HTR1F: variants seen among roughly 807,000 people sequenced by gnomAD.
The protein encoded by HTR1F is 5-hydroxytryptamine (serotonin) receptor 1F, G protein-coupled.
A neutral mutation model predicts 24.0 loss-of-function variants in HTR1F; 17 were observed. That is an observed-to-expected ratio of 0.71 (90% CI 0.48 to 1.06). HTR1F has a LOEUF of 1.06. HTR1F is among the 50% of genes least tolerant of loss of function. HTR1F has a pLI of 0.00. For missense variants in HTR1F, 391 were observed against 427.8 expected (o/e 0.91, Z 0.76); for synonymous variants, 186 against 156.8 (o/e 1.19, Z -1.39).
At chr3:87,933,560 A>G (rs1704337355) in intron 2 of HTR1F, among the ~76,000 whole-genome samples, 2 of 149,052 alleles carry the variant, frequency 1.3e-5, no homozygotes, top group African/African-American at 2.4e-5. Flanking sequence ...TACACCAATA[A>G]CAGACAAACA....
chr3:87,880,436 T>A (rs555521827), intron 2 of HTR1F, among the ~76,000 whole-genome samples: 4 of 152,140 alleles, frequency 2.6e-5, no homozygotes, highest in African/African-American at 4.8e-5. Flanking sequence ...CTAAATTGAA[T>A]AAAGGAAAAC....
intron 2 of HTR1F, among the ~76,000 whole-genome samples, chr3:87,839,810 A>G (rs979114600): frequency 4.3e-4 from 66 of 152,112 alleles, no homozygotes; most frequent in African/African-American, 1.4e-3. Context: ...TTTTATGACC[A>G]TGTGTGCCCA....
intron 2 of HTR1F, among the ~76,000 whole-genome samples, chr3:87,926,833 C>A (rs771752193): frequency 1.3e-5 from 2 of 152,102 alleles, no homozygotes; most frequent in Non-Finnish European, 2.9e-5. Context: ...GCAATCAGGA[C>A]GACACGGTGA....
At chr3:87,951,661 A>C (rs1357580866) in intron 2 of HTR1F, among the ~76,000 whole-genome samples, 1 of 152,124 alleles carries the variant, frequency 6.6e-6, no homozygotes, top group Admixed American at 6.6e-5. Context: ...ACACATCATC[A>C]TCAAGAGTCC....
intron 2 of HTR1F, among the ~76,000 whole-genome samples, chr3:87,844,597 C>T (rs1214816500): frequency 1.6e-5 from 2 of 121,726 alleles, no homozygotes; most frequent in Middle Eastern, 3.8e-3. Context: ...ACATGAAGTC[C>T]TTGCCCATGC....
chr3:87,863,841 T>C (rs1251889497), intron 2 of HTR1F, among the ~76,000 whole-genome samples: 2 of 152,212 alleles, frequency 1.3e-5, no homozygotes, highest in Non-Finnish European at 2.9e-5. Context: ...TGCATATTTA[T>C]CTTACAGTTC....
intron 2 of HTR1F, among the ~76,000 whole-genome samples, chr3:87,871,077 G>A (rs1705545030): frequency 6.6e-6 from 1 of 150,718 alleles, no homozygotes; most frequent in Admixed American, 6.6e-5. Flanking sequence ...CACTAAAAAT[G>A]GAGATCAATG....
At chr3:87,817,892 C>T (rs1464611974) in intron 1 of HTR1F, among the ~76,000 whole-genome samples, 1 of 152,124 alleles carries the variant, frequency 6.6e-6, no homozygotes, top group Admixed American at 6.5e-5. Context: ...ACAGCTCTAT[C>T]AAATTCAGGA....
At chr3:87,865,413 C>G (rs1705406073) in intron 2 of HTR1F, among the ~76,000 whole-genome samples, 1 of 152,054 alleles carries the variant, frequency 6.6e-6, no homozygotes, top group African/African-American at 2.4e-5. Flanking sequence ...GCAACCAGAT[C>G]AGGAAATAGA....
At chr3:87,952,712 C>T (rs1317430678) in intron 2 of HTR1F, among the ~76,000 whole-genome samples, 2 of 151,866 alleles carry the variant, frequency 1.3e-5, no homozygotes, top group African/African-American at 2.4e-5. Context: ...AAGCAAGTCA[C>T]CAGGAACTTT....
At chr3:87,797,868 G>A (rs1286319107) in intron 1 of HTR1F, among the ~76,000 whole-genome samples, 1 of 152,132 alleles carries the variant, frequency 6.6e-6, no homozygotes, top group Admixed American at 6.5e-5. Context: ...AGCTGATGGT[G>A]GGACAAAAAG....
chr3:87,799,272 C>A (rs1047229404), intron 1 of HTR1F, among the ~76,000 whole-genome samples: 4 of 152,124 alleles, frequency 2.6e-5, no homozygotes, highest in African/African-American at 9.7e-5. Context: ...CAATAATAGT[C>A]CCCTTTTGGT....
chr3:87,879,857 T>A (rs1705750449), intron 2 of HTR1F, among the ~76,000 whole-genome samples: 1 of 151,958 alleles, frequency 6.6e-6, no homozygotes, highest in Non-Finnish European at 1.5e-5. Flanking sequence ...TAAATTGTAA[T>A]GATGGCATAT....
At chr3:87,906,463 G>A (rs1703669716) in intron 2 of HTR1F, among the ~76,000 whole-genome samples, 1 of 151,834 alleles carries the variant, frequency 6.6e-6, no homozygotes. Context: ...ATCTTTTCTT[G>A]TTGACAGTCT....
chr3:87,936,132 G>A (rs368990628), intron 2 of HTR1F, among the ~76,000 whole-genome samples: 2 of 152,192 alleles, frequency 1.3e-5, no homozygotes, highest in Non-Finnish European at 2.9e-5. Context: ...TTACAGGCGT[G>A]AGCCACTGCA....
At chr3:87,795,343 TGTG>T (rs1703886813) in intron 1 of HTR1F, among the ~76,000 whole-genome samples, 1 of 152,188 alleles carries the variant, frequency 6.6e-6, no homozygotes, top group African/African-American at 2.4e-5. Context: ...ATCTAGCAAA[TGTG>T]GTCTTTTTTG....
intron 2 of HTR1F, among the ~76,000 whole-genome samples, chr3:87,962,379 T>A (rs1021373598): frequency 9.2e-5 from 14 of 152,068 alleles, no homozygotes; most frequent in Admixed American, 9.2e-4. Flanking sequence ...GTGTTATGAA[T>A]CAATAAATAG....
intron 2 of HTR1F, among the ~76,000 whole-genome samples, chr3:87,830,680 T>C (rs1269265845): frequency 6.6e-6 from 1 of 152,194 alleles, no homozygotes; most frequent in African/African-American, 2.4e-5. Context: ...CACTGAATCT[T>C]TATATTTTTA....
chr3:87,907,984 T>C (rs1294116916), intron 2 of HTR1F, among the ~76,000 whole-genome samples: 1 of 152,032 alleles, frequency 6.6e-6, no homozygotes, highest in East Asian at 1.9e-4. Context: ...AAATTTATGT[T>C]CTAATAAATT....
Sources: allele counts gnomAD v4.1 joint callset (sites outside exome capture counted in the v4.1 genomes callset), GRCh38; gene constraint gnomAD v4.1.1; transcripts MANE v1.5; gene names NCBI Gene and HGNC (gene_info 2026-07-23, HGNC 2026-07-21).